Variants in WDR13 observed in about 807,000 individuals in gnomAD.
WDR13 encodes WD repeat domain 13, also known as WD repeat-containing protein 13.
A neutral mutation model predicts 28.6 loss-of-function variants in WDR13; 1 was observed. The ratio of observed to expected loss-of-function variants is 0.03; its 90% CI spans 0.01 to 0.17. WDR13 has a LOEUF of 0.17. WDR13 is among the 10% of genes least tolerant of loss of function. The pLI, the probability that WDR13 is intolerant of heterozygous loss-of-function variation, is 1.00. For synonymous variants in WDR13, 201 were observed against 185.9 expected, an observed-to-expected ratio of 1.08 and a Z score of -0.66; for missense variants, 264 against 469.3, an observed-to-expected ratio of 0.56 and a Z score of 4.04.
At chrX:48,597,752 G>A in intron 1 of WDR13, 138 bp downstream of exon 1, 1 of 392,307 alleles carries the variant, frequency 2.5e-6, no homozygotes, top group Non-Finnish European at 4.2e-6. Flanking sequence ...GGGAGGGGCG[G>A]TGTCTGTTCT....
intron 2 of WDR13, 144 bp downstream of exon 2, chrX:48,598,181 A>G: frequency 1.8e-6 from 2 of 1,131,687 alleles, no homozygotes; most frequent in South Asian, 2.1e-5. Flanking sequence ...GGGGGCGGGC[A>G]CGCCCGCGGT....
Position 48,602,219 on chromosome X carries a change from T to C in WDR13, c.1154+13T>C. 1 of 1,201,913 alleles carries C rather than the reference T, an allele frequency of 8.3e-7. No homozygotes were observed. The highest frequency in any genetic ancestry group is 1.1e-6 in the Non-Finnish European group (1 of 887,458). ...TGCTGCTCTACAGGTGGGTCCCCCATCAGGGCCTCCTGGAGACGGAGGACC... is the reference window on the plus strand; with the variant it reads ...TGCTGCTCTACAGGTGGGTCCCCCACCAGGGCCTCCTGGAGACGGAGGACC... On this transcript the variant is annotated intron_variant, in intron 8 of 9. Coordinates refer to ENST00000376729, the MANE Select transcript of WDR13 (RefSeq NM_001347217.2).
intron 4 of WDR13, 47 bp from the exon 5 acceptor site, chrX:48,599,540 C>A (rs41305361): frequency 0.011 from 13,201 of 1,209,891 alleles, 60 homozygotes; most frequent in Non-Finnish European, 0.013. Context: ...AGACTGAACA[C>A]TCTCGCATCT....
At chrX:48,600,226 G>A in intron 5 of WDR13, 93 bp from the exon 6 acceptor site, 1 of 1,036,624 alleles carries the variant, frequency 9.6e-7, no homozygotes, top group Non-Finnish European at 1.3e-6. Context: ...ATGCAGTGGG[G>A]CCCCAGCCCC....
intron 3 of WDR13, 36 bp from the exon 4 acceptor site, chrX:48,599,317 G>A: frequency 9.2e-7 from 1 of 1,087,570 alleles, no homozygotes. Flanking sequence ...CGGGCTTTTT[G>A]CAAGATGCAC....
chrX:48,600,715 CA>C (rs1485560219), intron 6 of WDR13, 89 bp downstream of exon 6: 56 of 1,055,906 alleles, frequency 5.3e-5, no homozygotes, highest in Admixed American at 1.1e-4. Context: ...GAGGGACAGC[CA>C]GGGGGGGCCT....
At chrX:48,600,282 T>C (rs2062174282) in intron 5 of WDR13, 37 bp from the exon 6 acceptor site, 2 of 1,156,877 alleles carry the variant, frequency 1.7e-6, no homozygotes, top group East Asian at 3.0e-5. Flanking sequence ...GCCCAGTGAG[T>C]GTGCAGATTC....
chrX:48,600,750 A>G (rs1375312428), intron 6 of WDR13, 124 bp downstream of exon 6: 10 of 789,818 alleles, frequency 1.3e-5, no homozygotes, highest in Admixed American at 6.6e-5. Flanking sequence ...CCCCCACCCA[A>G]TCTCGTCAGA....
intron 6 of WDR13, chrX:48,600,855 G>A: frequency 1.2e-5 from 5 of 404,213 alleles, no homozygotes; most frequent in Non-Finnish European, 2.1e-5. Context: ...CAGCACTTTG[G>A]GAGGCGGAGG....
intron 2 of WDR13, chrX:48,598,388 G>T (rs1343969721): frequency 1.0e-6 from 1 of 1,004,763 alleles, no homozygotes; most frequent in African/African-American, 2.0e-5. Flanking sequence ...TCCCAACGCT[G>T]ACCCCCATAA....
intron 5 of WDR13, 46 bp downstream of exon 5, chrX:48,599,763 C>G (rs782172913): frequency 1.3e-5 from 16 of 1,201,868 alleles, no homozygotes; most frequent in Non-Finnish European, 1.8e-5. Flanking sequence ...TTTGCCCAAA[C>G]TGTGACAACC....
Position 48,600,633 on chromosome X carries a change from C to T in WDR13, c.831+7C>T, listed in dbSNP as rs1556994176. ...CAACAACAACCTCACTGTGGTCAGGCTCCAGGACACCCACTCACCAAGGGC... is the reference window on the plus strand; with the variant it reads ...CAACAACAACCTCACTGTGGTCAGGTTCCAGGACACCCACTCACCAAGGGC... On this transcript the variant is annotated splice_region_variant and intron_variant, in intron 6 of 9. Coordinates refer to ENST00000376729, the MANE Select transcript of WDR13 (RefSeq NM_001347217.2). 8.3e-7 allele frequency: 1 copy of T among 1,204,149 alleles called. No homozygotes were observed. Among genetic ancestry groups the T allele is most frequent in the Non-Finnish European group, 1.1e-6 (1 of 891,803 alleles).
intron 2 of WDR13, 67 bp from the exon 3 acceptor site, chrX:48,598,650 C>CA (rs1323014193): frequency 1.2e-6 from 1 of 866,690 alleles, no homozygotes; most frequent in African/African-American, 2.4e-5. Flanking sequence ...TGCCGTACCC[C>CA]CCCCCCCGAG....
intron 2 of WDR13, chrX:48,598,274 T>C (rs2062156936): frequency 4.7e-6 from 5 of 1,073,715 alleles, no homozygotes; most frequent in Non-Finnish European, 6.0e-6. Flanking sequence ...CGGCTACCTG[T>C]GAGAGGGAGG....
At position 48,601,868 on chromosome X, in the gene WDR13, C is replaced by T. The variant is rs1602147397; in HGVS notation, c.916C>T (p.Arg306Cys). The T allele has an allele frequency of 3.3e-6, 4 of 1,206,712 alleles. No individual in the cohort carries two copies. Among genetic ancestry groups the T allele is most frequent in the Non-Finnish European group, 4.5e-6 (4 of 892,326 alleles). The stretch of plus-strand genomic sequence containing the variant: ...GGGGGGCTCCAGCAAGCTGACAGGC[C>T]GTGTCCTTGCTCTGTCCTTTGATGC... ...VKGGSSKLTG[R>C]VLALSFDAPG... The change falls in exon 7 of 10, where the codon CGT (arginine) becomes TGT (cysteine). Residue 306 changes from arginine (R) to cysteine (C), a missense_variant. Physicochemically the swap from Arg to Cys is radical, Grantham distance 180. Around this residue, in one of 4 missense-constraint regions of WDR13, gnomAD observed 157 missense variants for 270.2 expected, o/e 0.58. Transcript: ENST00000376729.
At chrX:48,602,013 C>G (rs782575249) in intron 7 of WDR13, 49 bp downstream of exon 7, 2 of 1,197,640 alleles carry the variant, frequency 1.7e-6, no homozygotes. Flanking sequence ...CCAGCCCTCC[C>G]AGGGCACAGC....
rs1158650349 is a variant in WDR13, at chrX:48,605,970, C to T, written c.*938C>T. On this transcript the variant is annotated 3_prime_UTR_variant, in exon 10 of 10. Coordinates refer to ENST00000376729, the MANE Select transcript of WDR13 (RefSeq NM_001347217.2). ...GCCTAAAGGCACTGAGGCTGGAGCG[C>T]TCCAGAAGGATCATTGTGTATGCCA... 2.7e-5 allele frequency: 3 copies of T among 110,584 alleles called. No homozygotes were observed. Among genetic ancestry groups the T allele is most frequent in the African/African-American group, 9.9e-5 (3 of 30,352 alleles). The allele number at this position is 110,584 out of a possible 1,213,427, so 9.1% of individuals were successfully genotyped here.
At chrX:48,599,087 C>T (rs1420050952) in intron 3 of WDR13, 130 bp downstream of exon 3, 44 of 970,800 alleles carry the variant, frequency 4.5e-5, no homozygotes, top group Non-Finnish European at 5.3e-5. Flanking sequence ...GATAATATGC[C>T]AAGTAAACCA....
rs11091241 is a variant in WDR13 at position 48,606,747 on chromosome X, C to T, written c.*1715C>T. 32,873 of 111,041 alleles carry T rather than the reference C, an allele frequency of 0.3. 3,791 individuals are homozygous for T. Among genetic ancestry groups the T allele is most frequent in the East Asian group, 0.44 (1,517 of 3,475 alleles). The allele number at this position is 111,041 out of a possible 1,213,427, so 9.2% of individuals were successfully genotyped here. ...TCCTTCTCAGCTCCATTTGTTGCCA[C>T]ATATGCGTTGACTGGAACTGCGACT... On this transcript the variant is annotated 3_prime_UTR_variant, in exon 10 of 10. Transcript: ENST00000376729.
Sources: gnomAD v4.1 joint callset for allele counts on GRCh38, gnomAD v4.1.1 for gene constraint, gnomAD v4.1.1 regional missense constraint, MANE v1.5 for transcripts, NCBI Gene and HGNC (gene_info 2026-07-23, HGNC 2026-07-21) for gene names.